PRELID2: variants seen among roughly 807,000 people sequenced by gnomAD.
PRELID2 encodes PRELI domain-containing protein 2.
A neutral mutation model predicts 28.4 loss-of-function variants in PRELID2; 25 were observed. The ratio of observed to expected loss-of-function variants is 0.88; its 90% CI spans 0.64 to 1.23. The LOEUF (loss-of-function observed/expected upper bound fraction) is 1.23, where lower values mean the gene tolerates loss of function less well. PRELID2 is among the 50% of genes most tolerant of loss of function. The pLI, the probability that PRELID2 is intolerant of heterozygous loss-of-function variation, is 0.00. For synonymous variants in PRELID2, 76 were observed against 71.6 expected, an observed-to-expected ratio of 1.06 and a Z score of -0.31; for missense variants, 201 against 214.4, an observed-to-expected ratio of 0.94 and a Z score of 0.39.
At chr5:145,345,808 T>C in the PRELID2 span, among the ~76,000 whole-genome samples, 2 of 151,982 alleles carry the variant, frequency 1.3e-5, no homozygotes, top group Non-Finnish European at 2.9e-5. Flanking sequence ...AAATTTCAAC[T>C]ACCACCACCC....
chr5:145,443,500 G>GA, the PRELID2 span, among the ~76,000 whole-genome samples: 1 of 152,016 alleles, frequency 6.6e-6, no homozygotes, highest in Non-Finnish European at 1.5e-5. Flanking sequence ...TGGAATTTTA[G>GA]AAAAAGACAA....
At chr5:145,299,870 C>G in the PRELID2 span, among the ~76,000 whole-genome samples, 1 of 152,004 alleles carries the variant, frequency 6.6e-6, no homozygotes, top group African/African-American at 2.4e-5. Flanking sequence ...ACAGTTTAGC[C>G]ACCCAAAAAT....
intron 1 of PRELID2, among the ~76,000 whole-genome samples, chr5:145,824,423 G>GTC (rs1192749598): frequency 1.8e-5 from 1 of 55,200 alleles, no homozygotes; most frequent in Non-Finnish European, 4.3e-5. Flanking sequence ...ACCCACAGCA[G>GTC]GCGTGTGTGT....
chr5:145,242,949 C>T, the PRELID2 span, among the ~76,000 whole-genome samples: 1 of 151,910 alleles, frequency 6.6e-6, no homozygotes, highest in African/African-American at 2.4e-5. Flanking sequence ...ATTTAAATAC[C>T]ATTTCCCATT....
the PRELID2 span, among the ~76,000 whole-genome samples, chr5:145,364,357 C>T: frequency 6.6e-6 from 1 of 151,980 alleles, no homozygotes; most frequent in African/African-American, 2.4e-5. Context: ...GAAAATTTGC[C>T]ACACTCTAAT....
chr5:145,551,315 C>T lies in PRELID2; in HGVS notation n.71-78000G>A, dbSNP rs969614144. 4.1e-4 allele frequency among the ~76,000 whole-genome samples: 63 copies of T among 152,014 alleles called. 1 individual carries two copies. The highest frequency in any genetic ancestry group is 1.4e-3 in the African/African-American group (60 of 41,458). On this transcript the variant is annotated intron_variant and non_coding_transcript_variant, in intron 1 of 2. Transcript: ENST00000510259. ...ACTCGGGAGGCTGAGGCAGGAGAAT[C>T]GCTTGAACCCAGGAGGCAGAGGTTG...
chr5:145,481,623 CAAAAAAAAAAAAAAA>C (rs70998021), intron 1 of PRELID2, among the ~76,000 whole-genome samples: 8 of 41,858 alleles, frequency 1.9e-4, no homozygotes, highest in Admixed American at 7.4e-4. Context: ...GCAAGGAAAT[CAAAAAAAAAAAAAAA>C]AAAAAAAAAA....
chr5:145,409,846 T>C, the PRELID2 span, among the ~76,000 whole-genome samples: 1 of 151,438 alleles, frequency 6.6e-6, no homozygotes, highest in African/African-American at 2.4e-5. Flanking sequence ...AGTGCCTGCA[T>C]AGCCAAAGCA....
chr5:145,237,580 G>A, the PRELID2 span, among the ~76,000 whole-genome samples: 1 of 152,058 alleles, frequency 6.6e-6, no homozygotes, highest in East Asian at 1.9e-4. Flanking sequence ...ACGTTTGCTG[G>A]TCTAAAGCCG....
chr5:145,236,080 A>T, the PRELID2 span, among the ~76,000 whole-genome samples: 3 of 152,158 alleles, frequency 2.0e-5, no homozygotes, highest in Admixed American at 6.5e-5. Flanking sequence ...CTTCATTGGC[A>T]TTGAGGAAGA....
chr5:145,569,162 A>G (rs1752995725), intron 1 of PRELID2, among the ~76,000 whole-genome samples: 2 of 152,236 alleles, frequency 1.3e-5, no homozygotes, highest in African/African-American at 4.8e-5. Context: ...GTTTGTGTCT[A>G]AGCAATGAAA....
chr5:145,620,963 G>A lies in PRELID2; in HGVS notation n.70+143968C>T, dbSNP rs554932531. Among the ~76,000 whole-genome samples the A allele has an allele frequency of 2.6e-5, 4 of 152,262 alleles. No homozygotes were observed. The East Asian group carries it at 5.8e-4, about 22-fold the overall frequency. ...ACATCTGAATAACATCATCAAAGTAGTGAGAAAATAATTGTCAGCCTAAAG... is the reference window on the plus strand; with the variant it reads ...ACATCTGAATAACATCATCAAAGTAATGAGAAAATAATTGTCAGCCTAAAG... On this transcript the variant is annotated intron_variant and non_coding_transcript_variant, in intron 1 of 2. Transcript: ENST00000510259.
chr5:145,286,420 T>C, the PRELID2 span, among the ~76,000 whole-genome samples: 2 of 151,990 alleles, frequency 1.3e-5, no homozygotes, highest in South Asian at 4.2e-4. Context: ...ATTAGAGCAA[T>C]ATGACAATTC....
At chr5:145,471,561 G>A (rs1752054282), downstream of PRELID2, among the ~76,000 whole-genome samples, 1 of 151,776 alleles carries the variant, frequency 6.6e-6, no homozygotes, top group Admixed American at 6.6e-5. Flanking sequence ...GATAATATGG[G>A]TACCATAATT....
the PRELID2 span, among the ~76,000 whole-genome samples, chr5:145,310,386 AT>A: frequency 5.9e-5 from 9 of 152,228 alleles, no homozygotes; most frequent in African/African-American, 2.2e-4. Context: ...CACTGTGGTA[AT>A]TTTATCAAAG....
chr5:145,504,734 T>C (rs1363185014), intron 1 of PRELID2, among the ~76,000 whole-genome samples: 1 of 152,200 alleles, frequency 6.6e-6, no homozygotes, highest in African/African-American at 2.4e-5. Context: ...TTTTCCTTCA[T>C]AGAAGAGGCA....
At chr5:145,434,738 G>T in the PRELID2 span, among the ~76,000 whole-genome samples, 1 of 152,162 alleles carries the variant, frequency 6.6e-6, no homozygotes, top group African/African-American at 2.4e-5. Context: ...ATGCAGAAGT[G>T]GGGGGCACTG....
intron 1 of PRELID2, among the ~76,000 whole-genome samples, chr5:145,551,413 T>G (rs931922031): frequency 7.8e-4 from 117 of 150,852 alleles, no homozygotes; most frequent in Non-Finnish European, 1.4e-3. Context: ...AATAAATAAA[T>G]AAATAAATAA....
intron 1 of PRELID2, among the ~76,000 whole-genome samples, chr5:145,653,775 A>C (rs1319674597): frequency 2.6e-5 from 4 of 152,236 alleles, no homozygotes; most frequent in Non-Finnish European, 2.9e-5. Flanking sequence ...TTATAGCATT[A>C]AATGCCCACA....
Sources: gnomAD v4.1 joint callset for allele counts (sites outside exome capture counted in the v4.1 genomes callset) on GRCh38, gnomAD v4.1.1 for gene constraint, MANE v1.5 for transcripts, NCBI Gene and HGNC (gene_info 2026-07-23, HGNC 2026-07-21) for gene names.